Variants in ITSN2 observed in about 807,000 individuals in gnomAD.
ITSN2 encodes the protein intersectin 2, also known as intersectin-2.
A neutral mutation model predicts 243.7 loss-of-function variants in ITSN2; 156 were observed. That is an observed-to-expected ratio of 0.64 (90% CI 0.56 to 0.73). The LOEUF is 0.73. Ranked by LOEUF, ITSN2 falls within the 30% of genes least tolerant of loss-of-function variation. The pLI, the probability that ITSN2 is intolerant of heterozygous loss-of-function variation, is 0.00. For missense variants in ITSN2, 1,801 were observed against 1,996.1 expected (o/e 0.90, Z 1.86); for synonymous variants, 703 against 699.9 (o/e 1.00, Z -0.07).
At chr2:24,261,011 A>T in intron 22 of ITSN2, 95 bp downstream of exon 22, 1 of 1,083,554 alleles carries the variant, frequency 9.2e-7, no homozygotes, top group Non-Finnish European at 1.3e-6. Flanking sequence ...AACTCTGGTT[A>T]AATGAGTGAA....
chr2:24,311,907 T>C (rs1683299902), intron 5 of ITSN2, among the ~76,000 whole-genome samples: 1 of 152,182 alleles, frequency 6.6e-6, no homozygotes, highest in Non-Finnish European at 1.5e-5. Flanking sequence ...AAGAATAGTA[T>C]TTGGGATTGG....
chr2:24,295,845 T>C, intron 13 of ITSN2, 41 bp from the exon 14 acceptor site: 2 of 1,343,212 alleles, frequency 1.5e-6, no homozygotes, highest in Non-Finnish European at 2.0e-6. Context: ...CATAAAATGC[T>C]AATAGAAAAT....
At chr2:24,256,801 T>C (rs1031449295) in intron 23 of ITSN2, among the ~76,000 whole-genome samples, 19 of 152,092 alleles carry the variant, frequency 1.2e-4, no homozygotes, top group African/African-American at 4.1e-4. Context: ...TATGATCTAA[T>C]AAGGGACATT....
chr2:24,322,789 T>C (rs960419441), intron 2 of ITSN2, among the ~76,000 whole-genome samples: 2 of 152,032 alleles, frequency 1.3e-5, no homozygotes, highest in African/African-American at 4.8e-5. Flanking sequence ...AAAGACAAAC[T>C]ACAGGCTGAG....
At chr2:24,351,742 T>C (rs1046275974) in intron 1 of ITSN2, among the ~76,000 whole-genome samples, 3 of 152,200 alleles carry the variant, frequency 2.0e-5, no homozygotes, top group Non-Finnish European at 2.9e-5. Flanking sequence ...GTGTCTATGC[T>C]GCCTGCCCAT....
chr2:24,227,374 CAGT>C (rs780705097), intron 29 of ITSN2, among the ~76,000 whole-genome samples: 20 of 149,772 alleles, frequency 1.3e-4, no homozygotes, highest in Non-Finnish European at 2.5e-4. Context: ...GAACATATGA[CAGT>C]AGAACAAAAA....
intron 29 of ITSN2, among the ~76,000 whole-genome samples, chr2:24,230,555 G>A (rs1413517217): frequency 6.6e-6 from 1 of 152,120 alleles, no homozygotes; most frequent in African/African-American, 2.4e-5. Flanking sequence ...ATCACCTGAG[G>A]TCAAGAGTTG....
At chr2:24,287,604 A>T (rs550969693) in intron 15 of ITSN2, among the ~76,000 whole-genome samples, 1 of 152,112 alleles carries the variant, frequency 6.6e-6, no homozygotes, top group East Asian at 1.9e-4. Context: ...TATTTTTTTT[A>T]GAAACCTTCA....
chr2:24,321,006 T>G (rs558496693), intron 2 of ITSN2, among the ~76,000 whole-genome samples: 2 of 152,148 alleles, frequency 1.3e-5, no homozygotes, highest in South Asian at 4.1e-4. Flanking sequence ...ATGAGAAAAT[T>G]TGCTAGAAGT....
intron 14 of ITSN2, 72 bp downstream of exon 14, chr2:24,295,592 A>G: frequency 8.2e-7 from 1 of 1,222,020 alleles, no homozygotes; most frequent in Non-Finnish European, 1.1e-6. Context: ...TACAGCCGTG[A>G]GCCACCGTGC....
intron 1 of ITSN2, among the ~76,000 whole-genome samples, chr2:24,346,372 T>C (rs774254956): frequency 6.6e-6 from 1 of 152,196 alleles, no homozygotes; most frequent in Non-Finnish European, 1.5e-5. Flanking sequence ...ACTTACAATA[T>C]ATTTATATAT....
rs192151733 is a variant in ITSN2, at chr2:24,209,088, G to A, written c.4595+12C>T. 1.4e-5 allele frequency: 23 copies of A among 1,613,708 alleles called. No individual in the cohort carries two copies. Among genetic ancestry groups the A allele is most frequent in the Non-Finnish European group, 1.9e-5 (22 of 1,179,834 alleles). On this transcript the variant is annotated intron_variant, in intron 36 of 39. Transcript: ENST00000355123. ...CAGAGTTCAAGGCAGGCCACACATG[G>A]TCAGGACTGACCTCTCATTAATGTT... is the stretch of plus-strand genomic sequence containing the variant.
chr2:24,227,081 A>C (rs1381776806), intron 29 of ITSN2, among the ~76,000 whole-genome samples: 1 of 151,962 alleles, frequency 6.6e-6, no homozygotes, highest in Non-Finnish European at 1.5e-5. Context: ...GTGTCACTGC[A>C]CTCCAGCCTG....
rs111959931 is a variant in ITSN2 at position 24,346,642 on chromosome 2, T to C, written c.-34+13662A>G. Among the ~76,000 whole-genome samples the C allele has an allele frequency of 9.6e-4, 146 of 152,296 alleles. 1 individual carries two copies. Among genetic ancestry groups the C allele is most frequent in the Middle Eastern group, 3.4e-3 (1 of 294 alleles). On this transcript the variant is annotated intron_variant, in intron 1 of 39. Coordinates refer to ENST00000355123, the MANE Select transcript of ITSN2 (RefSeq NM_006277.3). ...CCATACTGATATAAGATATTAATAA[T>C]AGTGGAAACTATGTGTGGGGTACAT... is the stretch of plus-strand genomic sequence containing the variant.
intron 20 of ITSN2, among the ~76,000 whole-genome samples, chr2:24,263,179 AATT>A (rs1676136517): frequency 6.6e-6 from 1 of 152,068 alleles, no homozygotes; most frequent in South Asian, 2.1e-4. Context: ...ACTACAGATA[AATT>A]ATTTATATGT....
chr2:24,286,394 G>T (rs201565667), intron 15 of ITSN2, 43 bp from the exon 16 acceptor site: 2 of 1,569,404 alleles, frequency 1.3e-6, no homozygotes, highest in Non-Finnish European at 1.8e-6. Context: ...GCAGAAGTTC[G>T]TATGTCATTA....
chr2:24,248,894 A>G lies in ITSN2; in HGVS notation c.3121-12T>C, dbSNP rs1673752923. ...GCACTCCCAAAACTCTACAAGGAAA[A>G]GATACCGTGTTGTTTTATTATTTCC... On this transcript the variant is annotated splice_polypyrimidine_tract_variant and intron_variant, in intron 25 of 39. Coordinates refer to ENST00000355123, the MANE Select transcript of ITSN2 (RefSeq NM_006277.3). 6.2e-7 allele frequency: 1 copy of G among 1,612,264 alleles called. No individual in the cohort carries two copies. Among genetic ancestry groups the G allele is most frequent in the Non-Finnish European group, 8.5e-7 (1 of 1,178,518 alleles).
intron 1 of ITSN2, among the ~76,000 whole-genome samples, chr2:24,353,352 T>G (rs527555914): frequency 6.6e-6 from 1 of 152,206 alleles, no homozygotes; most frequent in East Asian, 1.9e-4. Context: ...TCCCAGCACT[T>G]TGGGAGGCTG....
intron 22 of ITSN2, among the ~76,000 whole-genome samples, chr2:24,260,246 AT>A (rs1217007448): frequency 6.6e-6 from 1 of 152,028 alleles, no homozygotes; most frequent in Non-Finnish European, 1.5e-5. Context: ...TTTTTGACTT[AT>A]TTTTTCCTTA....
Sources: allele counts gnomAD v4.1 joint callset (sites outside exome capture counted in the v4.1 genomes callset), GRCh38; gene constraint gnomAD v4.1.1; transcripts MANE v1.5; gene names NCBI Gene and HGNC (gene_info 2026-07-23, HGNC 2026-07-21).